PDE4D: variants seen among roughly 807,000 people sequenced by gnomAD.
PDE4D encodes phosphodiesterase 4D, also known as 3',5'-cyclic-AMP phosphodiesterase 4D.
A neutral mutation model predicts 87.4 loss-of-function variants in PDE4D; 24 were observed. The ratio of observed to expected loss-of-function variants is 0.27; its 90% CI spans 0.20 to 0.39. The LOEUF is 0.39. PDE4D is among the 10% of genes least tolerant of loss of function. The pLI is 1.00. For synonymous variants in PDE4D, 384 were observed against 383.2 expected (o/e 1.00, Z -0.02); for missense variants, 714 against 1,041.0 (o/e 0.69, Z 4.32).
intron 1 of PDE4D, among the ~76,000 whole-genome samples, chr5:60,411,094 A>G (rs977957924): frequency 2.6e-4 from 39 of 152,330 alleles, no homozygotes; most frequent in Non-Finnish European, 4.0e-4. Flanking sequence ...GAGATGAGAT[A>G]TTAACTGCTG....
chr5:59,495,716 G>A (rs1202045565), intron 1 of PDE4D, among the ~76,000 whole-genome samples: 1 of 152,206 alleles, frequency 6.6e-6, no homozygotes, highest in Non-Finnish European at 1.5e-5. Context: ...ACCAGTCTGC[G>A]TGTGTTGCTA....
intron 1 of PDE4D, among the ~76,000 whole-genome samples, chr5:59,576,349 A>G (rs1004714048): frequency 6.6e-6 from 1 of 152,184 alleles, no homozygotes; most frequent in Non-Finnish European, 1.5e-5. Flanking sequence ...AAATTAGTCT[A>G]TACTTGGAAT....
intron 2 of PDE4D, among the ~76,000 whole-genome samples, chr5:59,991,723 T>C (rs1763024917): frequency 6.6e-6 from 1 of 152,154 alleles, no homozygotes; most frequent in South Asian, 2.1e-4. Context: ...GGAACAGTCT[T>C]AGCTTTTAGA....
intron 3 of PDE4D, among the ~76,000 whole-genome samples, chr5:59,191,449 T>A (rs1233374705): frequency 6.6e-6 from 1 of 152,256 alleles, no homozygotes; most frequent in East Asian, 1.9e-4. Context: ...GAATAGCTAC[T>A]TGAATGAACT....
At chr5:59,768,333 A>G in intron 1 of PDE4D, 5 of 1,598,202 alleles carry the variant, frequency 3.1e-6, no homozygotes, top group Non-Finnish European at 4.2e-6. Context: ...AATTTCTCGG[A>G]GAGATCACTG....
Position 58,990,919 on chromosome 5 carries a change from A to G in PDE4D, c.1189-17T>C, listed in dbSNP as rs535412244. On this transcript the variant is annotated splice_polypyrimidine_tract_variant and intron_variant, in intron 8 of 14. Coordinates refer to ENST00000340635, the MANE Select transcript of PDE4D (RefSeq NM_001104631.2). ...TTCTAGTTCCTGGAGTGAAAAAAAA[A>G]AAAAGATACTAAAATATTAGAAAGT... 1.1e-5 allele frequency: 14 copies of G among 1,333,304 alleles called. No individual in the cohort carries two copies. Among genetic ancestry groups the G allele is most frequent in the Admixed American group, 2.1e-5 (1 of 47,472 alleles). 82.6% of individuals were successfully genotyped at this position (1,333,304 alleles called of 1,614,324 possible).
chr5:58,979,651 A>G (rs543887666), intron 11 of PDE4D, among the ~76,000 whole-genome samples: 1 of 152,320 alleles, frequency 6.6e-6, no homozygotes, highest in African/African-American at 2.4e-5. Context: ...CAAAGAGGTT[A>G]GCTTATATAA....
intron 1 of PDE4D, among the ~76,000 whole-genome samples, chr5:60,336,076 T>C (rs1757729784): frequency 6.6e-6 from 1 of 152,198 alleles, no homozygotes; most frequent in African/African-American, 2.4e-5. Flanking sequence ...CAGACACAAC[T>C]GCTACCACTC....
intron 2 of PDE4D, among the ~76,000 whole-genome samples, chr5:60,180,226 G>A (rs1242708962): frequency 6.6e-6 from 1 of 152,168 alleles, no homozygotes; most frequent in Non-Finnish European, 1.5e-5. Context: ...ATCAGTCGCT[G>A]TTCTTTCAGA....
intron 1 of PDE4D, among the ~76,000 whole-genome samples, chr5:59,230,998 A>G (rs769340952): frequency 2.0e-5 from 3 of 152,176 alleles, no homozygotes; most frequent in Non-Finnish European, 4.4e-5. Flanking sequence ...ATAAAAAAAG[A>G]TATGTCTCAT....
chr5:59,907,812 A>C (rs141789998), intron 3 of PDE4D, among the ~76,000 whole-genome samples: 98 of 152,228 alleles, frequency 6.4e-4, no homozygotes, highest in African/African-American at 2.2e-3. Context: ...CTGACTGAGG[A>C]AGTTTACTCC....
chr5:59,571,678 G>T (rs1427478121), intron 1 of PDE4D, among the ~76,000 whole-genome samples: 2 of 152,142 alleles, frequency 1.3e-5, no homozygotes, highest in African/African-American at 4.8e-5. Flanking sequence ...ATATAAAACA[G>T]CCAACTCACC....
chr5:59,358,894 G>A (rs1781796541), intron 1 of PDE4D, among the ~76,000 whole-genome samples: 1 of 152,126 alleles, frequency 6.6e-6, no homozygotes. Flanking sequence ...TCTAATAAAA[G>A]CTACAGTTTA....
intron 1 of PDE4D, among the ~76,000 whole-genome samples, chr5:59,532,911 G>A (rs1250252804): frequency 2.0e-5 from 3 of 152,126 alleles, no homozygotes; most frequent in African/African-American, 4.8e-5. Context: ...CCTCAGTCTA[G>A]TCCAGGCTCT....
At chr5:60,303,842 T>A (rs1754174284) in intron 1 of PDE4D, among the ~76,000 whole-genome samples, 1 of 152,222 alleles carries the variant, frequency 6.6e-6, no homozygotes, top group South Asian at 2.1e-4. Flanking sequence ...AGGTTCTGAA[T>A]ATCTTTGTTA....
chr5:59,666,926 C>T (rs1278712027), intron 1 of PDE4D, among the ~76,000 whole-genome samples: 5 of 152,126 alleles, frequency 3.3e-5, no homozygotes, highest in Non-Finnish European at 5.9e-5. Context: ...GACTGCAGCA[C>T]CCTCTTTCTG....
chr5:60,054,122 T>C (rs929931530), intron 2 of PDE4D, among the ~76,000 whole-genome samples: 12 of 152,158 alleles, frequency 7.9e-5, no homozygotes, highest in Admixed American at 7.2e-4. Flanking sequence ...TGGAAGATAG[T>C]GTGGCAATTC....
At chr5:59,240,646 T>C (rs553236964) in intron 1 of PDE4D, among the ~76,000 whole-genome samples, 6 of 152,226 alleles carry the variant, frequency 3.9e-5, no homozygotes, top group African/African-American at 1.4e-4. Context: ...TGGAGAACAT[T>C]GTATCTGTTT....
At chr5:60,044,356 C>G (rs980100817) in intron 2 of PDE4D, among the ~76,000 whole-genome samples, 1 of 116,332 alleles carries the variant, frequency 8.6e-6, no homozygotes, top group Non-Finnish European at 1.8e-5. Context: ...CATTTATACT[C>G]TAGTTTTTCC....
Sources: gnomAD v4.1 joint callset for allele counts (sites outside exome capture counted in the v4.1 genomes callset) on GRCh38, gnomAD v4.1.1 for gene constraint, MANE v1.5 for transcripts, NCBI Gene and HGNC (gene_info 2026-07-23, HGNC 2026-07-21) for gene names.